RYR2: variants seen among roughly 807,000 people sequenced by gnomAD.
RYR2 encodes cardiac muscle ryanodine receptor-calcium release channel.
A neutral mutation model predicts 601.1 loss-of-function variants in RYR2; 227 were observed. The observed-to-expected ratio is 0.38, with a 90% CI of 0.34 to 0.42. RYR2 has a LOEUF of 0.42. Ranked by LOEUF, RYR2 falls within the 10% of genes least tolerant of loss-of-function variation. The pLI, the probability that RYR2 is intolerant of heterozygous loss-of-function variation, is 1.00. For missense variants in RYR2, 4,646 were observed against 6,156.5 expected (o/e 0.75, Z 8.21); for synonymous variants, 2,223 against 2,175.1 (o/e 1.02, Z -0.61).
chr1:237,796,142 T>C (rs3999765), intron 96 of RYR2, among the ~76,000 whole-genome samples: 8,062 of 151,982 alleles, frequency 0.053, 342 homozygotes, highest in South Asian at 0.21. Flanking sequence ...ACTGCGCTAG[T>C]GCATCTGAGG....
intron 1 of RYR2, among the ~76,000 whole-genome samples, chr1:237,084,801 C>T (rs1445614856): frequency 6.6e-6 from 1 of 152,198 alleles, no homozygotes; most frequent in Non-Finnish European, 1.5e-5. Context: ...TGGGTCCCGA[C>T]CTAATGTGGA....
At chr1:237,121,411 G>A (rs1670763828) in intron 1 of RYR2, among the ~76,000 whole-genome samples, 1 of 152,156 alleles carries the variant, frequency 6.6e-6, no homozygotes, top group Non-Finnish European at 1.5e-5. Context: ...TTTACCTCCT[G>A]TTTTCTTGAT....
intron 8 of RYR2, among the ~76,000 whole-genome samples, chr1:237,382,411 T>C (rs1313967548): frequency 6.6e-6 from 1 of 152,190 alleles, no homozygotes; most frequent in African/African-American, 2.4e-5. Flanking sequence ...AGTTCTAGGG[T>C]ACATGTGCAC....
rs10628712 is a variant in RYR2 at position 237,794,327 on chromosome 1, C to CGG, written c.13913+330_13913+331insGG. ...CAGGCAGGGTTATCTCATCCAAAAG[C>CGG]AGAGGCAAAAATTATTCATTAACGA... On this transcript the variant is annotated intron_variant, in intron 95 of 104. Transcript: ENST00000366574. Among the ~76,000 whole-genome samples the CGG allele has an allele frequency of 0.67, 101,652 of 151,460 alleles. 34,600 individuals carry two copies. The highest frequency in any genetic ancestry group is 0.95 in the East Asian group (4,900 of 5,142).
chr1:237,418,117 A>G (rs1260819156), intron 11 of RYR2, among the ~76,000 whole-genome samples: 2 of 152,084 alleles, frequency 1.3e-5, no homozygotes, highest in Non-Finnish European at 2.9e-5. Context: ...ATCTCGGTTC[A>G]CTGCAAGCTC....
chr1:237,365,034 G>A (rs1015670283), intron 5 of RYR2, among the ~76,000 whole-genome samples: 16 of 152,198 alleles, frequency 1.1e-4, no homozygotes, highest in African/African-American at 3.9e-4. Flanking sequence ...CAGACAGGAA[G>A]AGTAGACTAT....
chr1:237,537,262 G>T (rs1668738970), intron 25 of RYR2, among the ~76,000 whole-genome samples: 1 of 152,272 alleles, frequency 6.6e-6, no homozygotes, highest in East Asian at 1.9e-4. Context: ...CAATAGCACT[G>T]AATTGGAAAC....
Position 237,072,111 on chromosome 1 carries a change from C to G in RYR2, c.48+29542C>G, listed in dbSNP as rs544020820. On this transcript the variant is annotated intron_variant, in intron 1 of 104. Transcript: ENST00000366574. The stretch of plus-strand genomic sequence containing the variant: ...TGGAGCCATATCCAGGTGGCTGCAG[C>G]TGTGCCTGCAGCATGGGGCTCCCGT... Among the ~76,000 whole-genome samples the G allele has an allele frequency of 2.0e-5, 3 of 152,312 alleles. No homozygotes were observed. In the South Asian group the frequency reaches 6.2e-4, roughly 32 times the overall value.
chr1:237,693,995 T>C (rs549856209), intron 63 of RYR2, among the ~76,000 whole-genome samples: 413 of 152,236 alleles, frequency 2.7e-3, no homozygotes, highest in African/African-American at 9.6e-3. Context: ...GTAGGACACA[T>C]ATAATAAAAG....
chr1:237,443,414 A>T (rs1192177218), intron 13 of RYR2, among the ~76,000 whole-genome samples: 1 of 152,142 alleles, frequency 6.6e-6, no homozygotes, highest in Non-Finnish European at 1.5e-5. Flanking sequence ...TTAGCTTTTT[A>T]AAAATAGCAA....
At chr1:237,261,476 C>A (rs2149312803) in intron 1 of RYR2, among the ~76,000 whole-genome samples, 1 of 152,352 alleles carries the variant, frequency 6.6e-6, no homozygotes, top group South Asian at 2.1e-4. Context: ...TCCATGCTTT[C>A]CTGCCTAGAG....
chr1:237,688,282 T>C (rs1019155366), intron 63 of RYR2, among the ~76,000 whole-genome samples: 1 of 152,188 alleles, frequency 6.6e-6, no homozygotes, highest in African/African-American at 2.4e-5. Context: ...GTAATTTTAG[T>C]AATAAAACAT....
rs1215473213 is a variant in RYR2, at chr1:237,496,641, G to A, written c.2092G>A (p.Ala698Thr). The A allele has an allele frequency of 6.2e-7, 1 of 1,613,964 alleles. No individual in the cohort carries two copies. The change falls in exon 20 of 105, where the codon GCT becomes ACT. Residue 698 changes from alanine (A) to threonine (T), a missense_variant. This residue lies in a region of RYR2 where 1,807 missense variants were observed against 2,088.1 expected (regional missense o/e 0.87). Transcript: ENST00000366574. ...AEATHLRVGW[A>T]STEGYSPYPG... ...AGCAACTCACCTGCGAGTGGGCTGG[G>A]CTTCCACTGAAGGATATTCTCCCTA...
intron 80 of RYR2, among the ~76,000 whole-genome samples, chr1:237,747,700 G>T (rs1216794551): frequency 6.6e-6 from 1 of 152,028 alleles, no homozygotes; most frequent in Non-Finnish European, 1.5e-5. Context: ...GGGTTTATTT[G>T]GTGCTTTTCA....
At chr1:237,282,989 G>A (rs955046825) in intron 2 of RYR2, among the ~76,000 whole-genome samples, 4 of 152,154 alleles carry the variant, frequency 2.6e-5, no homozygotes, top group Non-Finnish European at 4.4e-5. Flanking sequence ...TATTTCACCT[G>A]TTGCCACTTG....
At chr1:237,769,519 G>A (rs919234465) in intron 84 of RYR2, among the ~76,000 whole-genome samples, 4 of 152,204 alleles carry the variant, frequency 2.6e-5, no homozygotes, top group Middle Eastern at 3.4e-3. Context: ...GTGATTTTAT[G>A]TACTTTTTTT....
chr1:237,126,992 G>A (rs918298804), intron 1 of RYR2, among the ~76,000 whole-genome samples: 1 of 151,702 alleles, frequency 6.6e-6, no homozygotes, highest in East Asian at 1.9e-4. Flanking sequence ...GACTCTTAAC[G>A]AGCATGCTGC....
intron 58 of RYR2, among the ~76,000 whole-genome samples, chr1:237,671,961 T>G (rs1205191260): frequency 6.6e-6 from 1 of 152,204 alleles, no homozygotes; most frequent in Non-Finnish European, 1.5e-5. Flanking sequence ...AATGGGTTCA[T>G]GAGTCCGTGC....
chr1:237,178,932 T>C (rs923058878), intron 1 of RYR2, among the ~76,000 whole-genome samples: 10 of 152,212 alleles, frequency 6.6e-5, no homozygotes, highest in African/African-American at 2.4e-4. Context: ...TTTCAAAAAA[T>C]ATATAAACTA....
Sources: gnomAD v4.1 joint callset for allele counts (sites outside exome capture counted in the v4.1 genomes callset) on GRCh38, gnomAD v4.1.1 for gene constraint, gnomAD v4.1.1 regional missense constraint, MANE v1.5 for transcripts, NCBI Gene and HGNC (gene_info 2026-07-23, HGNC 2026-07-21) for gene names.